ITGB8: variants seen among roughly 807,000 people sequenced by gnomAD.
The protein encoded by ITGB8 is integrin subunit beta 8.
ITGB8 carries 30 observed loss-of-function variants against 89.5 expected under a neutral mutation model. The observed-to-expected ratio is 0.34, with a 90% CI of 0.25 to 0.45. The LOEUF (loss-of-function observed/expected upper bound fraction) is 0.45, where lower values mean the gene tolerates loss of function less well. ITGB8 is among the 20% of genes least tolerant of loss of function. The pLI, the probability that ITGB8 is intolerant of heterozygous loss-of-function variation, is 1.00. For missense variants in ITGB8, 836 were observed against 933.3 expected (o/e 0.90, Z 1.36); for synonymous variants, 335 against 320.4 (o/e 1.05, Z -0.49).
At chr7:20,404,973 T>A in intron 11 of ITGB8, 120 bp downstream of exon 11, 2 of 827,970 alleles carry the variant, frequency 2.4e-6, no homozygotes, top group Non-Finnish European at 4.0e-6. Context: ...AAAAAAGAAT[T>A]AAATGAGAAA....
At chr7:20,382,811 T>A (rs1433511545) in intron 6 of ITGB8, among the ~76,000 whole-genome samples, 4 of 152,212 alleles carry the variant, frequency 2.6e-5, no homozygotes, top group African/African-American at 9.6e-5. Context: ...ACTTCAGAAA[T>A]TTTCAAATCC....
At chr7:20,334,674 A>G (rs1784519253) in intron 1 of ITGB8, among the ~76,000 whole-genome samples, 1 of 152,232 alleles carries the variant, frequency 6.6e-6, no homozygotes, top group South Asian at 2.1e-4. Flanking sequence ...GAACCAAGGT[A>G]TCATTAACAA....
intron 1 of ITGB8, chr7:20,352,851 T>C (rs1210860982): frequency 1.3e-5 from 2 of 152,250 alleles, no homozygotes; most frequent in Non-Finnish European, 2.9e-5. Flanking sequence ...CCTTTCAGGT[T>C]AAAAAGTGTC....
intron 1 of ITGB8, among the ~76,000 whole-genome samples, chr7:20,349,398 G>C (rs1362711456): frequency 6.6e-6 from 1 of 151,446 alleles, no homozygotes; most frequent in Non-Finnish European, 1.5e-5. Flanking sequence ...AATTACTTTA[G>C]CACCAACCTA....
chr7:20,355,631 A>C (rs533035171), intron 1 of ITGB8, among the ~76,000 whole-genome samples: 1 of 152,312 alleles, frequency 6.6e-6, no homozygotes, highest in African/African-American at 2.4e-5. Flanking sequence ...TAGAGGCAAA[A>C]TTATTTAGAG....
chr7:20,342,885 T>G (rs1027781270), intron 1 of ITGB8, among the ~76,000 whole-genome samples: 1 of 152,188 alleles, frequency 6.6e-6, no homozygotes, highest in Non-Finnish European at 1.5e-5. Context: ...AGAAACAGAT[T>G]AACTTAGCTG....
intron 1 of ITGB8, among the ~76,000 whole-genome samples, chr7:20,348,943 T>A (rs1366134102): frequency 6.6e-6 from 1 of 152,168 alleles, no homozygotes; most frequent in Non-Finnish European, 1.5e-5. Context: ...ATGGAGAAGA[T>A]GGAATAAGAA....
At position 20,367,099 on chromosome 7, in the gene ITGB8, T is replaced by C; in HGVS notation, c.301T>C (p.Tyr101His). ...AGGCTGCTCAGTTGATTCAATAGAA[T>C]ACCCATCTGTGCATGTTATAATACC... ...SKGCSVDSIE[Y>H]PSVHVIIPTE... The change falls in exon 3 of 14, where the codon TAC (tyrosine) becomes CAC (histidine). Residue 101 changes from tyrosine (Y) to histidine (H), a missense_variant. This residue lies in a region of ITGB8 where 182 missense variants were observed against 177.0 expected (regional missense o/e 1.03). Coordinates refer to ENST00000222573, the MANE Select transcript of ITGB8 (RefSeq NM_002214.3). 6.2e-7 allele frequency: 1 copy of C among 1,608,560 alleles called. No individual in the cohort carries two copies. The highest frequency in any genetic ancestry group is 1.7e-5 in the Admixed American group (1 of 59,990).
chr7:20,352,018 T>C, intron 1 of ITGB8, among the ~76,000 whole-genome samples: 1 of 152,184 alleles, frequency 6.6e-6, no homozygotes. Flanking sequence ...CCAGTGAATA[T>C]TTTGGCTTTT....
At position 20,359,485 on chromosome 7, in the gene ITGB8, T is replaced by C. The variant is rs891062061; in HGVS notation, c.128-4152T>C. On this transcript the variant is annotated intron_variant, in intron 1 of 13. Coordinates refer to ENST00000222573, the MANE Select transcript of ITGB8 (RefSeq NM_002214.3). Reference sequence around the variant, plus strand: ...AGTGCTGAGGGCTGCTAGGGAACCATTGCTGGAAAGTAGTTTTCTTGTAAT... The same window carrying C: ...AGTGCTGAGGGCTGCTAGGGAACCACTGCTGGAAAGTAGTTTTCTTGTAAT... 5.4e-4 allele frequency among the ~76,000 whole-genome samples: 83 copies of C among 152,336 alleles called. 1 individual carries two copies. The highest frequency in any genetic ancestry group is 1.9e-3 in the African/African-American group (77 of 41,592).
chr7:20,340,370 G>A (rs772984132), intron 1 of ITGB8, among the ~76,000 whole-genome samples: 1 of 152,206 alleles, frequency 6.6e-6, no homozygotes, highest in Non-Finnish European at 1.5e-5. Context: ...GGAAGAGACC[G>A]AGTTTGGAAG....
intron 1 of ITGB8, among the ~76,000 whole-genome samples, chr7:20,350,900 T>C (rs1305433074): frequency 1.3e-5 from 2 of 152,198 alleles, no homozygotes; most frequent in African/African-American, 4.8e-5. Context: ...AGCTCTCCCC[T>C]CTGCTGAACA....
At chr7:20,381,061 A>T (rs11973964) in intron 5 of ITGB8, 111,127 of 403,652 alleles carry the variant, frequency 0.28, 17,114 homozygotes, top group Non-Finnish European at 0.32. Flanking sequence ...AGAATAGGTT[A>T]TGAACGCGAA....
At position 20,404,686 on chromosome 7, in the gene ITGB8, A is replaced by T. The variant is rs1273557386; in HGVS notation, c.1746A>T (p.Arg582=). The part of the protein sequence containing the change: ...CQCFSGWEGD[R]CQCPSAAAQH... ...GCTTCAGTGGCTGGGAAGGTGATCG[A>T]TGCCAGTGCCCTTCAGCAGCAGCCC... The change falls in exon 11 of 14, where the codon CGA becomes CGT. Residue 582 remains arginine, a synonymous_variant. Coordinates refer to ENST00000222573, the MANE Select transcript of ITGB8 (RefSeq NM_002214.3). The T allele has an allele frequency of 6.2e-7, 1 of 1,614,122 alleles. No homozygotes were observed. Among genetic ancestry groups the T allele is most frequent in the Non-Finnish European group, 8.5e-7 (1 of 1,180,008 alleles).
intron 4 of ITGB8, chr7:20,380,453 A>G: frequency 2.0e-6 from 1 of 496,498 alleles, no homozygotes; most frequent in Non-Finnish European, 3.5e-6. Flanking sequence ...TTTGAATACC[A>G]AATGCTTATA....
At chr7:20,388,188 C>T (rs2127969739) in intron 6 of ITGB8, among the ~76,000 whole-genome samples, 1 of 152,220 alleles carries the variant, frequency 6.6e-6, no homozygotes, top group Middle Eastern at 3.4e-3. Flanking sequence ...AGTTACTTCC[C>T]ACAGCCTTAA....
intron 6 of ITGB8, among the ~76,000 whole-genome samples, chr7:20,387,431 T>C (rs1786670675): frequency 6.6e-6 from 1 of 152,212 alleles, no homozygotes; most frequent in Non-Finnish European, 1.5e-5. Flanking sequence ...TTATACCTGC[T>C]TTACACCTAT....
At chr7:20,380,378 C>T (rs561805176) in intron 4 of ITGB8, 1 of 285,802 alleles carries the variant, frequency 3.5e-6, no homozygotes, top group African/African-American at 2.3e-5. Context: ...ATTCACAGCG[C>T]AGATTAAATA....
intron 7 of ITGB8, among the ~76,000 whole-genome samples, chr7:20,394,234 G>A (rs754504078): frequency 2.6e-5 from 4 of 152,276 alleles, no homozygotes; most frequent in Middle Eastern, 3.4e-3. Flanking sequence ...CTATAAGTAC[G>A]TGCCCTTTAG....
Sources: gnomAD v4.1 joint callset for allele counts (sites outside exome capture counted in the v4.1 genomes callset) on GRCh38, gnomAD v4.1.1 for gene constraint, gnomAD v4.1.1 regional missense constraint, MANE v1.5 for transcripts, NCBI Gene and HGNC (gene_info 2026-07-23, HGNC 2026-07-21) for gene names.